ZNF468: variants seen among roughly 807,000 people sequenced by gnomAD.
ZNF468 encodes zinc finger protein ZNF468.
A neutral mutation model predicts 7.2 loss-of-function variants in ZNF468; 8 were observed. The ratio of observed to expected loss-of-function variants is 1.11; its 90% CI spans 0.65 to 2.01. The LOEUF (loss-of-function observed/expected upper bound fraction) is 2.01. ZNF468 is among the 30% of genes most tolerant of loss of function. ZNF468 has a pLI of 0.00. For synonymous variants in ZNF468, 218 were observed against 214.4 expected, an observed-to-expected ratio of 1.02 and a Z score of -0.15; for missense variants, 608 against 626.5, an observed-to-expected ratio of 0.97 and a Z score of 0.31.
chr19:52,841,352 A>G lies in ZNF468; in HGVS notation c.942T>C (p.Leu314=), dbSNP rs1265139881. Residue 314 remains leucine, a synonymous_variant, in exon 4 of 4, where the codon CTT becomes CTC. Transcript: ENST00000595646. ...CDKVFSRKSH[L]ERHKRIHTGE... ...CAGTATGAATCCTCTTATGTCTTTC[A>G]AGGTGTGATTTGCGACTGAAAACTT... 6.2e-7 allele frequency: 1 copy of G among 1,613,746 alleles called. No individual in the cohort carries two copies. Among genetic ancestry groups the G allele is most frequent in the East Asian group, 2.2e-5 (1 of 44,844 alleles).
intron 2 of ZNF468, among the ~76,000 whole-genome samples, chr19:52,850,890 C>T (rs111603187): frequency 0.042 from 6,374 of 150,814 alleles, 434 homozygotes; most frequent in African/African-American, 0.14. Flanking sequence ...CAGAGCGAGA[C>T]TCCGTCTTGA....
At chr19:52,847,973 A>C (rs963252722) in intron 3 of ZNF468, among the ~76,000 whole-genome samples, 18 of 152,298 alleles carry the variant, frequency 1.2e-4, no homozygotes, top group Middle Eastern at 3.4e-3. Flanking sequence ...TCTGTGTCTT[A>C]TTTCTTTTCT....
Position 52,838,497 on chromosome 19 carries a change from C to A in ZNF468, c.*2228G>T, listed in dbSNP as rs1337239529. 1 of 152,168 alleles carries A rather than the reference C, an allele frequency of 6.6e-6. No homozygotes were observed. The highest frequency in any genetic ancestry group is 1.9e-4 in the East Asian group (1 of 5,176). 9.4% of individuals were successfully genotyped at this position (152,168 alleles called of 1,614,324 possible). A position where few individuals can be genotyped will look rare whatever the true frequency, so the allele number is the denominator to read the frequency against. On this transcript the variant is annotated 3_prime_UTR_variant, in exon 4 of 4. Transcript: ENST00000595646. ...TCAATACTGGCTGTCCTAGCCAGAA[C>A]AATGAAATAGCAAAAGAAATCAAAC... is the stretch of plus-strand genomic sequence containing the variant.
chr19:52,853,016 G>A (rs907214977), intron 2 of ZNF468, among the ~76,000 whole-genome samples: 2 of 151,496 alleles, frequency 1.3e-5, no homozygotes, highest in African/African-American at 2.4e-5. Context: ...CACCACACCC[G>A]GCTAATTTTT....
intron 1 of ZNF468, among the ~76,000 whole-genome samples, chr19:52,855,408 A>G (rs953582961): frequency 6.6e-6 from 1 of 152,220 alleles, no homozygotes; most frequent in African/African-American, 2.4e-5. Flanking sequence ...GATGTTTGAA[A>G]AAAGAGAAAA....
chr19:52,857,395 G>A (rs1382316589), intron 1 of ZNF468, among the ~76,000 whole-genome samples, 177 bp downstream of exon 1: 4 of 152,338 alleles, frequency 2.6e-5, no homozygotes, highest in Admixed American at 1.3e-4. Flanking sequence ...CCAGCCTCAG[G>A]GCGACTTTAA....
At chr19:52,848,989 T>C in intron 3 of ZNF468, 98 bp downstream of exon 3, 1 of 1,098,100 alleles carries the variant, frequency 9.1e-7, no homozygotes, top group South Asian at 1.8e-5. Context: ...TCAATATGGC[T>C]TCCATTTTAG....
chr19:52,844,718 T>C (rs1231959386), intron 3 of ZNF468, among the ~76,000 whole-genome samples: 1 of 152,124 alleles, frequency 6.6e-6, no homozygotes, highest in African/African-American at 2.4e-5. Context: ...TTTGCATTTT[T>C]AGTAGAGATG....
chr19:52,842,441 T>A (rs57083197), intron 3 of ZNF468, among the ~76,000 whole-genome samples: 1 of 151,794 alleles, frequency 6.6e-6, no homozygotes, highest in Admixed American at 6.6e-5. Context: ...GACCCTAAAG[T>A]GTGTCACACT....
At chr19:52,849,956 G>A (rs920708764) in intron 2 of ZNF468, among the ~76,000 whole-genome samples, 2 of 148,226 alleles carry the variant, frequency 1.3e-5, no homozygotes, top group South Asian at 2.1e-4. Flanking sequence ...AAAATCAATC[G>A]TGTATATATA....
intron 1 of ZNF468, among the ~76,000 whole-genome samples, chr19:52,857,107 G>A (rs1456897001): frequency 6.6e-6 from 1 of 151,708 alleles, no homozygotes; most frequent in East Asian, 2.0e-4. Flanking sequence ...CCCAGCAAGA[G>A]GAGGAGGGAG....
intron 3 of ZNF468, chr19:52,845,279 G>A (rs1354662468): frequency 6.6e-6 from 1 of 151,942 alleles, no homozygotes; most frequent in Non-Finnish European, 1.5e-5. Context: ...ACTTTAGCCG[G>A]GATGACAGAC....
At chr19:52,857,133 G>A (rs2063447473) in intron 1 of ZNF468, among the ~76,000 whole-genome samples, 2 of 151,762 alleles carry the variant, frequency 1.3e-5, no homozygotes, top group African/African-American at 2.4e-5. Context: ...GAGCGACGAC[G>A]CCTTCGGACA....
At chr19:52,854,083 G>A in intron 2 of ZNF468, 175 bp downstream of exon 2, 2 of 1,528,584 alleles carry the variant, frequency 1.3e-6, no homozygotes, top group Non-Finnish European at 1.8e-6. Flanking sequence ...CCAAGTTCAT[G>A]ACACTGGGTC....
chr19:52,840,698 G>C lies in ZNF468; in HGVS notation c.*27C>G, dbSNP rs1446156045. On this transcript the variant is annotated 3_prime_UTR_variant, in exon 4 of 4. Coordinates refer to ENST00000595646, the MANE Select transcript of ZNF468 (RefSeq NM_001008801.2). ...TGACTTACAGGGTTGAATTGTGATG[G>C]AAGGTCTTGCCACACTCATTACACT... The C allele has an allele frequency of 6.2e-7, 1 of 1,611,152 alleles. No individual in the cohort carries two copies. Among genetic ancestry groups the C allele is most frequent in the East Asian group, 2.2e-5 (1 of 44,644 alleles).
rs752862980 is a variant in ZNF468, at chr19:52,849,131, T to C, written c.98A>G (p.Tyr33Cys). Residue 33 changes from tyrosine (Y) to cysteine (C), a missense_variant, in exon 3 of 4, where the codon TAC becomes TGC. Physicochemically the swap from Tyr to Cys is radical, Grantham distance 194. Transcript: ENST00000595646. ...KCLDPAQRTL[Y>C]RDVMLENYRN... Reference sequence around the variant, plus strand: ...ATAATTCTCCAGCATCACGTCCCTGTATAAAGTCCTCTGAGCAGGGTCCAG... The same window carrying C: ...ATAATTCTCCAGCATCACGTCCCTGCATAAAGTCCTCTGAGCAGGGTCCAG... 1.8e-5 allele frequency: 29 copies of C among 1,613,898 alleles called. No individual in the cohort carries two copies. The highest frequency in any genetic ancestry group is 2.4e-5 in the Non-Finnish European group (28 of 1,179,940).
At chr19:52,854,389 C>A in intron 1 of ZNF468, 44 bp from the exon 2 acceptor site, 2 of 1,544,980 alleles carry the variant, frequency 1.3e-6, no homozygotes, top group Non-Finnish European at 1.8e-6. Context: ...AATCAACACA[C>A]CCCCTCCCTT....
intron 2 of ZNF468, among the ~76,000 whole-genome samples, chr19:52,850,097 T>TA (rs1296095072): frequency 2.6e-5 from 4 of 152,162 alleles, no homozygotes; most frequent in African/African-American, 9.7e-5. Flanking sequence ...TATATGTATT[T>TA]ATATGTATAT....
intron 1 of ZNF468, among the ~76,000 whole-genome samples, chr19:52,855,439 G>C (rs1433611279): frequency 6.6e-6 from 1 of 152,242 alleles, no homozygotes; most frequent in African/African-American, 2.4e-5. Context: ...CTGGGGCAGA[G>C]GGAGTCAGAT....
Sources: gnomAD v4.1 joint callset for allele counts (sites outside exome capture counted in the v4.1 genomes callset) on GRCh38, gnomAD v4.1.1 for gene constraint, MANE v1.5 for transcripts, NCBI Gene and HGNC (gene_info 2026-07-23, HGNC 2026-07-21) for gene names.